The following SMG1 variants were observed in gnomAD, a reference collection of about 807,000 sequenced individuals.
SMG1 encodes the protein SMG1 nonsense mediated mRNA decay associated PI3K related kinase.
In SMG1, 22 loss-of-function variants were observed where a neutral mutation model predicts 419.9. The ratio of observed to expected loss-of-function variants is 0.05; its 90% CI spans 0.04 to 0.07. The LOEUF is 0.07. Ranked by LOEUF, SMG1 falls within the 10% of genes least tolerant of loss-of-function variation. The pLI, the probability that SMG1 is intolerant of heterozygous loss-of-function variation, is 1.00. For synonymous variants in SMG1, 1,538 were observed against 1,553.5 expected (o/e 0.99, Z 0.23); for missense variants, 3,185 against 4,342.0 (o/e 0.73, Z 7.49).
chr16:18,859,918 C>T (rs1161801062), intron 26 of SMG1, among the ~76,000 whole-genome samples: 1 of 152,086 alleles, frequency 6.6e-6, no homozygotes, highest in African/African-American at 2.4e-5. Context: ...CCTTCAAAGG[C>T]CAAAAATCAG....
At chr16:18,833,306 A>C (rs1374204317) in intron 50 of SMG1, 140 bp from the exon 51 acceptor site, 2 of 586,622 alleles carry the variant, frequency 3.4e-6, no homozygotes, top group African/African-American at 3.8e-5. Flanking sequence ...TCTTTTGTTT[A>C]CTTTTTATTT....
intron 33 of SMG1, 48 bp from the exon 34 acceptor site, chr16:18,850,515 A>G: frequency 7.7e-7 from 1 of 1,299,996 alleles, no homozygotes; most frequent in Non-Finnish European, 1.1e-6. Context: ...CAAACTGAAA[A>G]GGGAAAAAGG....
At chr16:18,858,772 AC>A (rs1474114337) in intron 28 of SMG1, 1 of 385,008 alleles carries the variant, frequency 2.6e-6, no homozygotes, top group Non-Finnish European at 4.6e-6. Flanking sequence ...CTTTACATAC[AC>A]CACCTCCCAC....
intron 45 of SMG1, 49 bp downstream of exon 45, chr16:18,837,965 C>G (rs1011686569): frequency 6.4e-7 from 1 of 1,572,406 alleles, no homozygotes; most frequent in Non-Finnish European, 8.7e-7. Context: ...AGCATGTTTA[C>G]TCTATTAATA....
chr16:18,891,077 G>T (rs2036855703), intron 4 of SMG1, among the ~76,000 whole-genome samples, 156 bp from the exon 5 acceptor site: 2 of 152,156 alleles, frequency 1.3e-5, no homozygotes, highest in South Asian at 4.1e-4. Flanking sequence ...TATCAGGAAT[G>T]TCATGTTTCC....
chr16:18,923,196 T>C (rs956784698), intron 1 of SMG1, among the ~76,000 whole-genome samples: 2 of 152,168 alleles, frequency 1.3e-5, no homozygotes, highest in African/African-American at 4.8e-5. Context: ...ACGGGTTTGC[T>C]CTCTTGCCAT....
At chr16:18,901,240 T>C (rs1162337267) in intron 1 of SMG1, among the ~76,000 whole-genome samples, 1 of 152,178 alleles carries the variant, frequency 6.6e-6, no homozygotes, top group Non-Finnish European at 1.5e-5. Flanking sequence ...GTTTCCTTTT[T>C]TGAGACAGGG....
At position 18,839,874 on chromosome 16, in the gene SMG1, T is replaced by C. The variant is rs772269424; in HGVS notation, c.6769A>G (p.Ile2257Val). Residue 2257 changes from isoleucine to valine, a missense_variant, in exon 42 of 63, where the codon ATT (isoleucine) becomes GTT (valine). Physicochemically the swap from Ile to Val is conservative, Grantham distance 29 (BLOSUM62 3). Coordinates refer to ENST00000446231, the MANE Select transcript of SMG1 (RefSeq NM_015092.5). ...PRPSELYYSK[I>V]GPALKTVGLS... ...CCAACTGTTTTCAAAGCAGGGCCAA[T>C]TTTACTGTAATAAAGTTCACTAGGA... 6.2e-7 allele frequency: 1 copy of C among 1,612,454 alleles called. No homozygotes were observed. Among genetic ancestry groups the C allele is most frequent in the African/African-American group, 1.3e-5 (1 of 74,908 alleles).
chr16:18,902,193 G>A (rs1027406496), intron 1 of SMG1, among the ~76,000 whole-genome samples: 2 of 152,060 alleles, frequency 1.3e-5, no homozygotes, highest in African/African-American at 4.8e-5. Flanking sequence ...GAGTATTGTC[G>A]CACACCAGTG....
chr16:18,911,636 G>A (rs1405611886), intron 1 of SMG1: 1 of 151,494 alleles, frequency 6.6e-6, no homozygotes, highest in African/African-American at 2.4e-5. Context: ...CCCTCCCAAC[G>A]TCTTCAAAAG....
chr16:18,821,101 A>G (rs1034753558), intron 55 of SMG1, among the ~76,000 whole-genome samples: 26 of 152,192 alleles, frequency 1.7e-4, no homozygotes, highest in African/African-American at 5.6e-4. Context: ...AGAACTACTT[A>G]TATACATTTC....
chr16:18,834,042 G>A (rs1409356580), intron 50 of SMG1, among the ~76,000 whole-genome samples, 162 bp downstream of exon 50: 2 of 152,234 alleles, frequency 1.3e-5, no homozygotes, highest in East Asian at 3.9e-4. Context: ...AAGAGCAACT[G>A]TAACCAAGTT....
chr16:18,877,457 G>A (rs566017445), intron 11 of SMG1: 14 of 399,102 alleles, frequency 3.5e-5, no homozygotes, highest in Non-Finnish European at 6.5e-5. Flanking sequence ...GAGAGGGAAC[G>A]AGGAAGGAGT....
intron 1 of SMG1, among the ~76,000 whole-genome samples, chr16:18,921,258 G>T (rs1389865768): frequency 6.6e-6 from 1 of 151,880 alleles, no homozygotes; most frequent in Non-Finnish European, 1.5e-5. Flanking sequence ...GGCTAAGGCG[G>T]GAGGATTCCC....
At position 18,860,679 on chromosome 16, in the gene SMG1, T is replaced by C. The variant is rs750355509; in HGVS notation, c.3793A>G (p.Lys1265Glu). 24 of 1,512,158 alleles carry C rather than the reference T, an allele frequency of 1.6e-5. No individual in the cohort carries two copies. In the African/African-American group the frequency reaches 2.9e-4, roughly 18 times the overall value. 93.7% of individuals were successfully genotyped at this position (1,512,158 alleles called of 1,614,324 possible). A position where few individuals can be genotyped will look rare whatever the true frequency, so the allele number is the denominator to read the frequency against. ...TTTTCTCAAATACCTATTTTTTCTT[T>C]TGATCCTCCAGCAAGTAGATTGATA... ...ENINLLAGGS[K>E]EKIDMKKLLP... The change falls in exon 26 of 63, where the codon AAA becomes GAA. Residue 1265 changes from lysine (K) to glutamate (E), a missense_variant. This residue lies in a region of SMG1 where 120 missense variants were observed against 193.3 expected (regional missense o/e 0.62). Transcript: ENST00000446231.
At chr16:18,895,012 T>C (rs1596615930) in intron 3 of SMG1, among the ~76,000 whole-genome samples, 1 of 150,074 alleles carries the variant, frequency 6.7e-6, no homozygotes, top group Non-Finnish European at 1.5e-5. Flanking sequence ...AGAGACAGGG[T>C]TTCACCGTGT....
At chr16:18,874,492 T>C (rs1031727913) in intron 13 of SMG1, among the ~76,000 whole-genome samples, 2 of 134,158 alleles carry the variant, frequency 1.5e-5, no homozygotes, top group Admixed American at 8.1e-5. Flanking sequence ...TGTGGTCCAA[T>C]AGGAAGAAGA....
intron 26 of SMG1, 55 bp from the exon 27 acceptor site, chr16:18,859,758 G>A (rs2035114728): frequency 2.1e-6 from 3 of 1,451,232 alleles, no homozygotes; most frequent in Non-Finnish European, 2.8e-6. Flanking sequence ...TATAAATTTT[G>A]ATTTATGTTT....
chr16:18,806,198 C>T lies in SMG1; in HGVS notation c.*3371G>A, dbSNP rs1315017000. The stretch of plus-strand genomic sequence containing the variant: ...TAAATTTCACACGTCAGAACAACCA[C>T]AATTAAAAAAACAAAAAACAATGCA... On this transcript the variant is annotated 3_prime_UTR_variant, in exon 63 of 63. Transcript: ENST00000446231. 1 of 152,302 alleles carries T rather than the reference C, an allele frequency of 6.6e-6. No individual in the cohort carries two copies. The highest frequency in any genetic ancestry group is 6.6e-5 in the Admixed American group (1 of 15,248). 9.4% of individuals were successfully genotyped at this position (152,302 alleles called of 1,614,324 possible).
Sources: allele counts gnomAD v4.1 joint callset (sites outside exome capture counted in the v4.1 genomes callset), GRCh38; gene constraint gnomAD v4.1.1; regional missense constraint gnomAD v4.1.1; transcripts MANE v1.5; gene names NCBI Gene and HGNC (gene_info 2026-07-23, HGNC 2026-07-21).